The following RIF1 variants were observed in gnomAD, a reference collection of about 807,000 sequenced individuals.
RIF1 encodes telomere-associated protein RIF1.
A neutral mutation model predicts 247.1 loss-of-function variants in RIF1; 45 were observed. The observed-to-expected ratio is 0.18, with a 90% CI of 0.14 to 0.23. RIF1 has a LOEUF of 0.23. Ranked by LOEUF, RIF1 falls within the 10% of genes least tolerant of loss-of-function variation. The pLI is 1.00. For synonymous variants in RIF1, 1,087 were observed against 978.8 expected, an observed-to-expected ratio of 1.11 and a Z score of -2.06; for missense variants, 2,967 against 2,862.5, an observed-to-expected ratio of 1.04 and a Z score of -0.83.
At chr2:151,428,168 G>A (rs376643252) in intron 8 of RIF1, among the ~76,000 whole-genome samples, 41 of 152,316 alleles carry the variant, frequency 2.7e-4, no homozygotes, top group African/African-American at 9.9e-4. Context: ...GCTGGAGGCT[G>A]CAGTGAGCCA....
intron 33 of RIF1, among the ~76,000 whole-genome samples, chr2:151,469,018 C>G (rs566218429): frequency 6.6e-6 from 1 of 152,150 alleles, no homozygotes; most frequent in Non-Finnish European, 1.5e-5. Flanking sequence ...AAATATAAAC[C>G]TTATGAGGAA....
At chr2:151,525,685 A>G in the RIF1 span, among the ~76,000 whole-genome samples, 101,089 of 152,000 alleles carry the variant, frequency 0.67, 33,876 homozygotes, top group East Asian at 0.77. Flanking sequence ...CTCCTAATCA[A>G]CAATGTTTCC....
chr2:151,497,611 T>A lies in RIF1; in HGVS notation c.*514-1734T>A, dbSNP rs986148550. The A allele has an allele frequency of 6.4e-7, 1 of 1,557,328 alleles. No homozygotes were observed. ...TCATTAAATAAGTAGTTTTTTTCTT[T>A]TCTTGCCAAAGTACCGAGCTAATAT... is the stretch of plus-strand genomic sequence containing the variant. On this transcript the variant is annotated intron_variant and NMD_transcript_variant, in intron 10 of 13. Coordinates refer to the RIF1 transcript ENST00000454583.
Position 151,440,016 on chromosome 2 carries a change from C to CT in RIF1, c.1547-6dup. ...AAAAAGAACTATACCCTTCTTTTTG[C>CT]TTTTTGATAGGTAACAAAAAAGAGA... On this transcript the variant is annotated splice_polypyrimidine_tract_variant and intron_variant, in intron 14 of 35. Coordinates refer to ENST00000444746, the MANE Select transcript of RIF1 (RefSeq NM_018151.5). 1.3e-6 allele frequency: 1 copy of CT among 741,886 alleles called. No homozygotes were observed. The highest frequency in any genetic ancestry group is 1.7e-5 in the South Asian group (1 of 59,592). The allele number at this position is 741,886 out of a possible 1,614,324, so 46.0% of individuals were successfully genotyped here. A position where few individuals can be genotyped will look rare whatever the true frequency, so the allele number is the denominator to read the frequency against.
At chr2:151,526,952 A>G in the RIF1 span, 1 of 1,603,004 alleles carries the variant, frequency 6.2e-7, no homozygotes, top group Admixed American at 1.7e-5. Flanking sequence ...GAGGGCGAGC[A>G]CCGTGTTTTT....
chr2:151,435,543 A>G lies in RIF1; in HGVS notation c.1158A>G (p.Thr386=), dbSNP rs1287483617. Residue 386 remains threonine, a synonymous_variant, in exon 11 of 36, where the codon ACA becomes ACG. Transcript: ENST00000444746. ...SPQGNSCHVA[T]SPGLNPMTPV... Reference sequence around the variant, plus strand: ...AGGGCAATTCGTGTCATGTAGCTACATCTCCAGGTTTAAATCCTATGACTC... The same window carrying G: ...AGGGCAATTCGTGTCATGTAGCTACGTCTCCAGGTTTAAATCCTATGACTC... The G allele has an allele frequency of 1.2e-6, 2 of 1,609,654 alleles. No homozygotes were observed.
rs60310785 is a variant in RIF1 at position 151,488,652 on chromosome 2, T to TA, written c.*415+5326dup. ...TAGAGTGAGACCCTGTCTCTAAAAA[T>TA]AAAAAAAAAGTATTCTGTATTATTC... On this transcript the variant is annotated intron_variant and NMD_transcript_variant, in intron 9 of 13. Transcript: ENST00000454583. Among the ~76,000 whole-genome samples the TA allele has an allele frequency of 2.4e-3, 370 of 151,122 alleles. 9 individuals are homozygous for TA. The East Asian group carries it at 0.043, about 18-fold the overall frequency.
the RIF1 span, among the ~76,000 whole-genome samples, chr2:151,522,478 T>C: frequency 6.6e-6 from 1 of 152,222 alleles, no homozygotes; most frequent in African/African-American, 2.4e-5. Context: ...AACATACACA[T>C]ACATTAGGAG....
intron 35 of RIF1, among the ~76,000 whole-genome samples, chr2:151,474,619 T>C (rs2432954): frequency 0.4 from 60,400 of 151,958 alleles, 12,153 homozygotes; most frequent in African/African-American, 0.43. Flanking sequence ...GAGGTTGCAG[T>C]GAGCTGAGAT....
chr2:151,443,256 C>T lies in RIF1; in HGVS notation c.1735-3C>T. 6.4e-7 allele frequency: 1 copy of T among 1,562,058 alleles called. No individual in the cohort carries two copies. Among genetic ancestry groups the T allele is most frequent in the Non-Finnish European group, 8.8e-7 (1 of 1,136,512 alleles). The stretch of plus-strand genomic sequence containing the variant: ...AGAAGATTGACTTCATTTTCTCCTT[C>T]AGGGAACTCCAGCTTTGTTCTTAAT... On this transcript the variant is annotated splice_polypyrimidine_tract_variant and splice_region_variant and intron_variant, in intron 16 of 35. Coordinates refer to ENST00000444746, the MANE Select transcript of RIF1 (RefSeq NM_018151.5).
At chr2:151,511,008 T>C (rs1293459493), downstream of RIF1, among the ~76,000 whole-genome samples, 1 of 152,222 alleles carries the variant, frequency 6.6e-6, no homozygotes, top group Non-Finnish European at 1.5e-5. Flanking sequence ...GGGGAGGAAC[T>C]AACTTGCCTG....
intron 11 of RIF1, among the ~76,000 whole-genome samples, chr2:151,501,823 C>T (rs1046438080): frequency 1.3e-5 from 2 of 151,176 alleles, no homozygotes; most frequent in African/African-American, 2.4e-5. Context: ...AATTAGGGAA[C>T]CAAAGAAAGA....
At chr2:151,423,358 A>C in intron 8 of RIF1, 1 of 209,736 alleles carries the variant, frequency 4.8e-6, no homozygotes. Context: ...TTTATAATCC[A>C]TGTAATGCCA....
chr2:151,460,122 A>G lies in RIF1; in HGVS notation c.3075+3A>G, dbSNP rs1259603691. ...AAAATATGAAACCAGCAGCCAAAGT[A>G]TGTTTTCAAAAGTTTAATCAAAAAT... On this transcript the variant is annotated splice_donor_region_variant and intron_variant, in intron 26 of 35. Transcript: ENST00000444746. 1 of 1,530,940 alleles carries G rather than the reference A, an allele frequency of 6.5e-7. No homozygotes were observed. Among genetic ancestry groups the G allele is most frequent in the Non-Finnish European group, 8.8e-7 (1 of 1,132,636 alleles). 94.8% of individuals were successfully genotyped at this position (1,530,940 alleles called of 1,614,324 possible).
intron 34 of RIF1, among the ~76,000 whole-genome samples, chr2:151,470,756 A>G (rs988745325): frequency 2.0e-5 from 3 of 152,150 alleles, no homozygotes; most frequent in African/African-American, 7.2e-5. Flanking sequence ...ATATTAACTT[A>G]TTTGTGATCT....
downstream of RIF1, chr2:151,508,051 G>T (rs780379101): frequency 1.9e-6 from 3 of 1,611,194 alleles, no homozygotes; most frequent in Admixed American, 3.3e-5. Context: ...TATCTCTGGG[G>T]TGTCCAAAAC....
At chr2:151,445,949 C>CTTAT (rs1693189873) in intron 19 of RIF1, among the ~76,000 whole-genome samples, 1 of 152,150 alleles carries the variant, frequency 6.6e-6, no homozygotes, top group African/African-American at 2.4e-5. Context: ...GTATCATGGC[C>CTTAT]TTATTTCCTC....
intron 13 of RIF1, among the ~76,000 whole-genome samples, chr2:151,506,633 GA>G (rs1198455966): frequency 6.6e-6 from 1 of 152,118 alleles, no homozygotes; most frequent in Non-Finnish European, 1.5e-5. Context: ...ATGTCAAAAA[GA>G]AATCCATCTT....
intron 10 of RIF1, among the ~76,000 whole-genome samples, chr2:151,498,620 C>G (rs1036702119): frequency 6.6e-6 from 1 of 152,000 alleles, no homozygotes; most frequent in Non-Finnish European, 1.5e-5. Flanking sequence ...ACTGAGCAAC[C>G]GTGAAAGAGC....
Sources: gnomAD v4.1 joint callset for allele counts (sites outside exome capture counted in the v4.1 genomes callset) on GRCh38, gnomAD v4.1.1 for gene constraint, MANE v1.5 for transcripts, NCBI Gene and HGNC (gene_info 2026-07-23, HGNC 2026-07-21) for gene names.